The following NOVA1 variants were observed in gnomAD, a reference collection of about 807,000 sequenced individuals.
The protein encoded by NOVA1 is RNA-binding protein Nova-1.
NOVA1 carries 7 observed loss-of-function variants against 38.0 expected under a neutral mutation model. The ratio of observed to expected loss-of-function variants is 0.18; its 90% confidence interval spans 0.10 to 0.35. The LOEUF is 0.35. Among genes scored for constraint, NOVA1 ranks in the 10% least tolerant of loss-of-function variants. The probability of loss-of-function intolerance (pLI) is 1.00; values close to 1 mark genes in which losing one functional copy is unlikely to be tolerated. For synonymous variants in NOVA1, 270 were observed against 232.5 expected, an observed-to-expected ratio of 1.16 and a Z score of -1.47; for missense variants, 460 against 616.0, an observed-to-expected ratio of 0.75 and a Z score of 2.68.
chr14:26,584,605 C>T (rs1363712996), intron 2 of NOVA1, among the ~76,000 whole-genome samples: 1 of 151,344 alleles, frequency 6.6e-6, no homozygotes, highest in Non-Finnish European at 1.5e-5. Flanking sequence ...ACACCAACAG[C>T]AATATCCACT....
At chr14:26,516,366 G>A (rs1888462869) in intron 2 of NOVA1, among the ~76,000 whole-genome samples, 1 of 151,980 alleles carries the variant, frequency 6.6e-6, no homozygotes, top group South Asian at 2.1e-4. Flanking sequence ...ATTTTCATGT[G>A]GCCCAATTTA....
chr14:26,562,047 A>AT (rs1315087199), intron 2 of NOVA1, among the ~76,000 whole-genome samples: 4 of 152,196 alleles, frequency 2.6e-5, no homozygotes, highest in Non-Finnish European at 5.9e-5. Context: ...TATGCTGAAT[A>AT]TTTATAAGCT....
chr14:26,595,603 G>A (rs1339353946), intron 1 of NOVA1, 50 bp from the exon 2 acceptor site: 5 of 1,547,720 alleles, frequency 3.2e-6, no homozygotes, highest in Non-Finnish European at 4.4e-6. Context: ...TTCAAACTTT[G>A]TATCCCCTCT....
intron 2 of NOVA1, among the ~76,000 whole-genome samples, chr14:26,505,506 T>G (rs1177530433): frequency 2.0e-5 from 3 of 152,156 alleles, no homozygotes; most frequent in African/African-American, 7.2e-5. Context: ...CATGTGGAAC[T>G]GTGAGTCAAT....
intron 2 of NOVA1, among the ~76,000 whole-genome samples, chr14:26,493,188 A>G (rs150439073): frequency 1.7e-4 from 26 of 152,284 alleles, no homozygotes; most frequent in Admixed American, 1.6e-3. Context: ...ATATCTTAAG[A>G]GTTATAGGGG....
intron 4 of NOVA1, among the ~76,000 whole-genome samples, chr14:26,467,355 C>T (rs1428120587): frequency 1.3e-5 from 2 of 152,126 alleles, no homozygotes; most frequent in Non-Finnish European, 2.9e-5. Context: ...GCAAAGTGCT[C>T]ATCATTGATG....
intron 4 of NOVA1, among the ~76,000 whole-genome samples, chr14:26,461,052 A>T (rs889268447): frequency 6.6e-6 from 1 of 152,192 alleles, no homozygotes; most frequent in Non-Finnish European, 1.5e-5. Flanking sequence ...TGTGTGCAAG[A>T]ATTACTGCAG....
chr14:26,460,887 A>T (rs949448410), intron 4 of NOVA1, among the ~76,000 whole-genome samples: 1 of 152,194 alleles, frequency 6.6e-6, no homozygotes, highest in Non-Finnish European at 1.5e-5. Flanking sequence ...AGATATTTTC[A>T]ATTTTATATG....
At chr14:26,526,896 T>C (rs1409631455) in intron 2 of NOVA1, among the ~76,000 whole-genome samples, 1 of 152,206 alleles carries the variant, frequency 6.6e-6, no homozygotes, top group East Asian at 1.9e-4. Flanking sequence ...ATCAGCTATG[T>C]GAAAAAGTGG....
chr14:26,595,026 A>T (rs2138827512), intron 2 of NOVA1, among the ~76,000 whole-genome samples: 1 of 151,934 alleles, frequency 6.6e-6, no homozygotes, highest in Middle Eastern at 3.4e-3. Flanking sequence ...AAGCCTCCCT[A>T]CCCCCCTCTT....
At chr14:26,517,349 G>T (rs997349292) in intron 2 of NOVA1, among the ~76,000 whole-genome samples, 1 of 152,066 alleles carries the variant, frequency 6.6e-6, no homozygotes, top group Non-Finnish European at 1.5e-5. Context: ...CCTCGGACAG[G>T]CCTTTACTGA....
Position 26,597,784 on chromosome 14 carries a change from C to G in NOVA1, c.-348G>C, listed in dbSNP as rs1594606870. On this transcript the variant is annotated 5_prime_UTR_variant, in exon 1 of 5. Coordinates refer to ENST00000539517, the MANE Select transcript of NOVA1 (RefSeq NM_002515.3). ...GAGTGAATGAGCGGGAGGAGGGGACCGGGGAGGACAGGCAGAGGGAGTGGG... is the reference window on the plus strand; with the variant it reads ...GAGTGAATGAGCGGGAGGAGGGGACGGGGGAGGACAGGCAGAGGGAGTGGG... 1.4e-6 allele frequency: 1 copy of G among 730,010 alleles called. No individual in the cohort carries two copies. The highest frequency in any genetic ancestry group is 1.7e-6 in the Non-Finnish European group (1 of 603,316). 45.2% of individuals were successfully genotyped at this position (730,010 alleles called of 1,614,324 possible).
At chr14:26,574,948 G>A (rs773969893) in intron 2 of NOVA1, among the ~76,000 whole-genome samples, 9 of 152,144 alleles carry the variant, frequency 5.9e-5, no homozygotes, top group Non-Finnish European at 1.3e-4. Context: ...ACAGGCGTGA[G>A]CCACTGAGCC....
intron 4 of NOVA1, among the ~76,000 whole-genome samples, chr14:26,469,807 C>T (rs949128385): frequency 6.6e-6 from 1 of 152,066 alleles, no homozygotes; most frequent in Non-Finnish European, 1.5e-5. Flanking sequence ...TGTTATGTTG[C>T]CCAGGATGGT....
At chr14:26,546,911 C>G (rs540806102) in intron 2 of NOVA1, among the ~76,000 whole-genome samples, 1 of 152,062 alleles carries the variant, frequency 6.6e-6, no homozygotes, top group Non-Finnish European at 1.5e-5. Context: ...CCCAGCTACT[C>G]AGGAGGCTGA....
chr14:26,470,569 T>A (rs1348652009), intron 4 of NOVA1: 1 of 1,018,958 alleles, frequency 9.8e-7, no homozygotes, highest in African/African-American at 1.6e-5. Context: ...AAATTACAAA[T>A]GACTTATTAT....
In NOVA1 at chr14:26,447,885, G is replaced by A; in HGVS notation, c.*74C>T. On this transcript the variant is annotated 3_prime_UTR_variant, in exon 5 of 5. Transcript: ENST00000539517. ...TTAATAACAGAAAAACTTCACTTCT[G>A]CAAAGTACAGTACATCCTTCTTGAA... 1 of 1,216,340 alleles carries A rather than the reference G, an allele frequency of 8.2e-7. No homozygotes were observed. The highest frequency in any genetic ancestry group is 1.3e-5 in the South Asian group (1 of 74,372). 75.3% of individuals were successfully genotyped at this position (1,216,340 alleles called of 1,614,324 possible).
At chr14:26,486,569 C>T (rs752009391) in intron 2 of NOVA1, among the ~76,000 whole-genome samples, 112 of 151,408 alleles carry the variant, frequency 7.4e-4, no homozygotes, top group Non-Finnish European at 1.3e-3. Context: ...ATTAGCCAGG[C>T]GTGGTGGTGG....
intron 2 of NOVA1, among the ~76,000 whole-genome samples, chr14:26,572,668 CA>C (rs1046539002): frequency 4.7e-5 from 7 of 150,396 alleles, no homozygotes; most frequent in African/African-American, 1.5e-4. Context: ...AGGTGATCAG[CA>C]AAGACTTCCT....
Sources: gnomAD v4.1 joint callset for allele counts (sites outside exome capture counted in the v4.1 genomes callset) on GRCh38, gnomAD v4.1.1 for gene constraint, MANE v1.5 for transcripts, NCBI Gene and HGNC (gene_info 2026-07-23, HGNC 2026-07-21) for gene names.